Variants in DAB2IP observed in about 807,000 individuals in gnomAD.
DAB2IP encodes disabled homolog 2-interacting protein.
A neutral mutation model predicts 107.2 loss-of-function variants in DAB2IP; 28 were observed. The observed-to-expected ratio is 0.26, with a 90% CI of 0.19 to 0.36. DAB2IP has a LOEUF of 0.36. Among genes scored for constraint, DAB2IP ranks in the 10% least tolerant of loss-of-function variants. The probability of loss-of-function intolerance (pLI) is 1.00; values close to 1 mark genes in which losing one functional copy is unlikely to be tolerated. For missense variants in DAB2IP, 1,400 were observed against 1,644.7 expected (o/e 0.85, Z 2.57); for synonymous variants, 755 against 706.4 (o/e 1.07, Z -1.09).
chr9:121,732,285 C>T (rs1196771313), intron 3 of DAB2IP, among the ~76,000 whole-genome samples: 1 of 152,078 alleles, frequency 6.6e-6, no homozygotes, highest in Non-Finnish European at 1.5e-5. Flanking sequence ...TTAGAGATGT[C>T]GCATGGGTGG....
intron 1 of DAB2IP, among the ~76,000 whole-genome samples, chr9:121,572,394 G>GCAT (rs1829965064): frequency 6.8e-6 from 1 of 146,148 alleles, no homozygotes; most frequent in Non-Finnish European, 1.5e-5. Flanking sequence ...CATACTCAGT[G>GCAT]GATGAATGAA....
intron 3 of DAB2IP, among the ~76,000 whole-genome samples, chr9:121,753,998 A>G (rs1259050303): frequency 2.6e-5 from 4 of 152,208 alleles, no homozygotes; most frequent in African/African-American, 9.6e-5. Flanking sequence ...AAGCCAGGGT[A>G]GGGGAGAAGC....
In DAB2IP at chr9:121,768,378, C is replaced by T. The variant is rs1160960891; in HGVS notation, c.1698-54C>T. The T allele has an allele frequency of 1.8e-5, 28 of 1,599,484 alleles. No homozygotes were observed. The East Asian group carries it at 2.7e-4, about 15-fold the overall frequency. On this transcript the variant is annotated intron_variant, in intron 9 of 15. Transcript: ENST00000408936. ...GGTGGTGTCCCAGTGGAGGGAGTTC[C>T]TGGGCAGGGCCTGCCTGGGCCCAGT...
chr9:121,609,984 C>T (rs1831033231), intron 1 of DAB2IP, among the ~76,000 whole-genome samples: 1 of 152,168 alleles, frequency 6.6e-6, no homozygotes, highest in Non-Finnish European at 1.5e-5. Flanking sequence ...GGGATGAGAT[C>T]ACTACTCACC....
chr9:121,682,669 G>A (rs1029194374), intron 2 of DAB2IP, among the ~76,000 whole-genome samples: 2 of 152,220 alleles, frequency 1.3e-5, no homozygotes, highest in African/African-American at 2.4e-5. Context: ...GAAATGTGGG[G>A]GATGGACTTT....
At chr9:121,621,805 C>A (rs1406504245) in intron 1 of DAB2IP, among the ~76,000 whole-genome samples, 2 of 95,222 alleles carry the variant, frequency 2.1e-5, no homozygotes, top group African/African-American at 6.3e-5. Flanking sequence ...TGCCACCACA[C>A]CTGGCTAATT....
intron 1 of DAB2IP, among the ~76,000 whole-genome samples, chr9:121,668,296 G>A (rs1478106411): frequency 6.6e-6 from 1 of 151,824 alleles, no homozygotes; most frequent in African/African-American, 2.4e-5. Flanking sequence ...GGGTTCAAGT[G>A]GCACGATCTC....
At chr9:121,678,923 C>G (rs1002353362) in intron 2 of DAB2IP, 142 bp downstream of exon 2, 1 of 771,710 alleles carries the variant, frequency 1.3e-6, no homozygotes, top group Non-Finnish European at 1.9e-6. Context: ...TCTAGGTATC[C>G]GATCCCTCAG....
intron 2 of DAB2IP, 68 bp downstream of exon 2, chr9:121,678,849 C>A: frequency 7.2e-7 from 1 of 1,388,056 alleles, no homozygotes; most frequent in South Asian, 1.4e-5. Context: ...GGGTGCTGCT[C>A]TGTGACCCCA....
At chr9:121,709,038 C>T (rs751728162) in intron 3 of DAB2IP, among the ~76,000 whole-genome samples, 5 of 152,216 alleles carry the variant, frequency 3.3e-5, no homozygotes, top group East Asian at 3.9e-4. Flanking sequence ...TCCCCCACAC[C>T]GCCAGTTGCC....
rs893991316 is a variant in DAB2IP, at chr9:121,635,441, T to G, written c.41-43237T>G. ...GGTGGTAGAGCTGAAACTGGAACTCTGGTCTCTCTGGCCATAGGTTCAGGG... is the reference window on the plus strand; with the variant it reads ...GGTGGTAGAGCTGAAACTGGAACTCGGGTCTCTCTGGCCATAGGTTCAGGG... On this transcript the variant is annotated intron_variant, in intron 1 of 16. Coordinates refer to the DAB2IP transcript ENST00000259371. This position sits in a 1 kb window ranked among gnomAD's most constrained non-coding sequence, Gnocchi z 4.3. Among the ~76,000 whole-genome samples, 2 of 152,216 alleles carry G rather than the reference T, an allele frequency of 1.3e-5. No individual in the cohort carries two copies. The highest frequency in any genetic ancestry group is 4.8e-5 in the African/African-American group (2 of 41,454).
At chr9:121,668,067 GC>G (rs972943045) in intron 1 of DAB2IP, among the ~76,000 whole-genome samples, 3 of 152,048 alleles carry the variant, frequency 2.0e-5, no homozygotes, top group Non-Finnish European at 2.9e-5. Context: ...TGGGGAAACC[GC>G]CCCCATGATC....
intron 1 of DAB2IP, among the ~76,000 whole-genome samples, chr9:121,582,146 G>T (rs1416192620): frequency 1.3e-5 from 2 of 152,226 alleles, no homozygotes; most frequent in African/African-American, 4.8e-5. Flanking sequence ...GGCTGAAAGG[G>T]GGTTGGAAGC....
intron 3 of DAB2IP, among the ~76,000 whole-genome samples, chr9:121,712,573 G>A (rs889468200): frequency 4.6e-5 from 7 of 152,120 alleles, no homozygotes; most frequent in African/African-American, 2.4e-5. Context: ...TTTCATTGAC[G>A]TGAATTTTCC....
Position 121,621,030 on chromosome 9 carries a change from A to G in DAB2IP, c.40+53802A>G, listed in dbSNP as rs1326359719. The stretch of plus-strand genomic sequence containing the variant: ...GTCCCAACTTTCCTCTTTGAGGGGA[A>G]GACCGCACTGGCCAGCCCCTGGGAC... On this transcript the variant is annotated intron_variant, in intron 1 of 16. Transcript: ENST00000259371. 2.6e-5 allele frequency among the ~76,000 whole-genome samples: 4 copies of G among 152,142 alleles called. No individual in the cohort carries two copies. In the East Asian group the frequency reaches 7.7e-4, roughly 29 times the overall value.
intron 1 of DAB2IP, among the ~76,000 whole-genome samples, chr9:121,610,846 C>T (rs929589032): frequency 6.6e-5 from 10 of 152,154 alleles, no homozygotes; most frequent in African/African-American, 1.9e-4. Flanking sequence ...CATCTCTTTC[C>T]ACCCCCTGTA....
intron 4 of DAB2IP, among the ~76,000 whole-genome samples, chr9:121,757,944 C>G (rs891127028): frequency 1.3e-5 from 2 of 152,192 alleles, no homozygotes; most frequent in African/African-American, 2.4e-5. Flanking sequence ...CCTGGCACCC[C>G]CAGCCCTGGG....
chr9:121,569,261 TC>T lies in DAB2IP; in HGVS notation c.40+2034del, dbSNP rs542010227. Among the ~76,000 whole-genome samples the T allele has an allele frequency of 2.5e-3, 387 of 152,334 alleles. 3 individuals are homozygous for T. The highest frequency in any genetic ancestry group is 6.7e-3 in the African/African-American group (277 of 41,576). On this transcript the variant is annotated intron_variant, in intron 1 of 16. Transcript: ENST00000259371. ...ACATTCATCAATTTAACAATTACTT[TC>T]AGGTTCTGGACTGGGCTTTGGTGTT...
intron 3 of DAB2IP, among the ~76,000 whole-genome samples, chr9:121,730,639 T>C (rs1206063483): frequency 6.6e-6 from 1 of 151,990 alleles, no homozygotes; most frequent in Non-Finnish European, 1.5e-5. Flanking sequence ...GTAGGGGAGG[T>C]GCATCTGCAG....
Sources: allele counts gnomAD v4.1 joint callset (sites outside exome capture counted in the v4.1 genomes callset), GRCh38; gene constraint gnomAD v4.1.1; non-coding constraint Gnocchi (gnomAD v3.1); transcripts MANE v1.5; gene names NCBI Gene and HGNC (gene_info 2026-07-23, HGNC 2026-07-21).